The following NTM variants were observed in gnomAD, a reference collection of about 807,000 sequenced individuals.
The protein encoded by NTM is IgLON family member 2.
NTM carries 13 observed loss-of-function variants against 42.1 expected under a neutral mutation model. The ratio of observed to expected loss-of-function variants is 0.31; its 90% CI spans 0.20 to 0.49. NTM has a LOEUF of 0.49. NTM is among the 20% of genes least tolerant of loss of function. The probability of loss-of-function intolerance (pLI) is 0.99; values close to 1 mark genes in which losing one functional copy is unlikely to be tolerated. For missense variants in NTM, 373 were observed against 452.8 expected (o/e 0.82, Z 1.60); for synonymous variants, 187 against 179.2 (o/e 1.04, Z -0.35).
chr11:131,947,505 T>G (rs368202628), intron 2 of NTM, among the ~76,000 whole-genome samples: 3 of 151,870 alleles, frequency 2.0e-5, no homozygotes, highest in African/African-American at 7.3e-5. Context: ...ATAGAAACAC[T>G]CAGAAAGTGG....
intron 6 of NTM, among the ~76,000 whole-genome samples, chr11:132,313,607 G>A (rs2095341427): frequency 6.6e-6 from 1 of 152,180 alleles, no homozygotes; most frequent in African/African-American, 2.4e-5. Context: ...TCGGAATCTT[G>A]CAAAGGAAAG....
chr11:131,954,787 G>A (rs1357810032), intron 2 of NTM, among the ~76,000 whole-genome samples: 1 of 152,054 alleles, frequency 6.6e-6, no homozygotes. Flanking sequence ...ATTTTCTACA[G>A]TTATGTAGTT....
chr11:131,500,541 T>TTATATA (rs200145436), intron 1 of NTM, among the ~76,000 whole-genome samples: 45 of 65,144 alleles, frequency 6.9e-4, no homozygotes, highest in Non-Finnish European at 9.8e-4. Flanking sequence ...TAGTTATTTA[T>TTATATA]TATATATATA....
At chr11:132,081,199 G>A (rs2058991843) in intron 2 of NTM, among the ~76,000 whole-genome samples, 1 of 152,168 alleles carries the variant, frequency 6.6e-6, no homozygotes, top group South Asian at 2.1e-4. Context: ...TGCAGGAAAT[G>A]GTGAGACTTG....
At chr11:132,121,426 C>T (rs1447544082) in intron 2 of NTM, among the ~76,000 whole-genome samples, 1 of 151,952 alleles carries the variant, frequency 6.6e-6, no homozygotes, top group African/African-American at 2.4e-5. Flanking sequence ...CTGGGGTCAA[C>T]AGAGGCGTGA....
intron 1 of NTM, among the ~76,000 whole-genome samples, chr11:131,662,785 C>T (rs2068312714): frequency 6.6e-6 from 1 of 152,134 alleles, no homozygotes; most frequent in African/African-American, 2.4e-5. Flanking sequence ...TCCTGGCTCC[C>T]TGTGGACCTC....
At chr11:131,660,969 G>A (rs1293756375) in intron 1 of NTM, 2 of 1,304,106 alleles carry the variant, frequency 1.5e-6, no homozygotes, top group Non-Finnish European at 2.0e-6. Flanking sequence ...AGGCAAAGTT[G>A]GATGTTTTTA....
intron 1 of NTM, among the ~76,000 whole-genome samples, chr11:131,633,688 T>C (rs866179332): frequency 3.4e-5 from 4 of 116,194 alleles, no homozygotes; most frequent in Admixed American, 8.7e-5. Flanking sequence ...CCTCTCTCTC[T>C]CTCTCCCTCC....
At chr11:131,971,404 C>T (rs1488098815) in intron 2 of NTM, among the ~76,000 whole-genome samples, 1 of 152,072 alleles carries the variant, frequency 6.6e-6, no homozygotes, top group Non-Finnish European at 1.5e-5. Context: ...GATTGAACCA[C>T]CTATCTTTTT....
chr11:131,937,899 G>A (rs1349185596), intron 2 of NTM, among the ~76,000 whole-genome samples: 1 of 152,178 alleles, frequency 6.6e-6, no homozygotes, highest in Admixed American at 6.5e-5. Context: ...GTTGCACGTA[G>A]CAAGTCCTCT....
chr11:131,657,976 G>A (rs1369816378), intron 1 of NTM, among the ~76,000 whole-genome samples: 2 of 152,192 alleles, frequency 1.3e-5, no homozygotes, highest in Non-Finnish European at 2.9e-5. Flanking sequence ...AGTGAGCTCT[G>A]AAGAGACCTG....
rs527660251 is a variant in NTM at position 131,823,475 on chromosome 11, T to C, written c.83-88089T>C. On this transcript the variant is annotated intron_variant, in intron 1 of 8. Transcript: ENST00000683400. ...CTCAGACCCTGGTTGAATTAAGGAA[T>C]TTGCTATGAACCCTCTAGCTGACCT... 3.5e-3 allele frequency among the ~76,000 whole-genome samples: 533 copies of C among 152,246 alleles called. 1 individual carries two copies. Among genetic ancestry groups the C allele is most frequent in the Non-Finnish European group, 5.9e-3 (404 of 68,010 alleles).
At position 132,003,261 on chromosome 11, in the gene NTM, T is replaced by C. The variant is rs563911278; in HGVS notation, c.167+91613T>C. Reference sequence around the variant, plus strand: ...ACACCCTTAGAGTTTTTTTTTCTTTTTTTTTTTTGACAGGTTATTTGTTGC... The same window carrying C: ...ACACCCTTAGAGTTTTTTTTTCTTTCTTTTTTTTGACAGGTTATTTGTTGC... On this transcript the variant is annotated intron_variant, in intron 2 of 8. Transcript: ENST00000683400. This position sits in a 1 kb window ranked among gnomAD's most constrained non-coding sequence, Gnocchi z 6.0. Among the ~76,000 whole-genome samples the C allele has an allele frequency of 3.3e-3, 500 of 152,110 alleles. 5 individuals carry two copies. Among genetic ancestry groups the C allele is most frequent in the African/African-American group, 0.011 (476 of 41,462 alleles).
At chr11:131,481,929 G>A (rs1443174828) in intron 1 of NTM, among the ~76,000 whole-genome samples, 2 of 152,196 alleles carry the variant, frequency 1.3e-5, no homozygotes, top group South Asian at 2.1e-4. Flanking sequence ...TAATGAAAAT[G>A]CTCATATATG....
chr11:131,689,310 T>G (rs1366501972), intron 1 of NTM, among the ~76,000 whole-genome samples: 1 of 152,178 alleles, frequency 6.6e-6, no homozygotes, highest in Non-Finnish European at 1.5e-5. Flanking sequence ...CCACCCAGTA[T>G]TGCCCAGCCC....
At chr11:132,256,249 G>A (rs1435864728) in intron 4 of NTM, among the ~76,000 whole-genome samples, 1 of 152,126 alleles carries the variant, frequency 6.6e-6, no homozygotes, top group East Asian at 1.9e-4. Flanking sequence ...GTCCTCCCAC[G>A]TGCAGCCCTT....
At chr11:131,973,912 G>C (rs2063930917) in intron 2 of NTM, among the ~76,000 whole-genome samples, 1 of 152,150 alleles carries the variant, frequency 6.6e-6, no homozygotes, top group Non-Finnish European at 1.5e-5. Context: ...CTCATATGCA[G>C]ATTTTCTTCT....
chr11:131,956,766 C>T (rs1014041439), intron 2 of NTM, among the ~76,000 whole-genome samples: 1 of 152,088 alleles, frequency 6.6e-6, no homozygotes, highest in East Asian at 1.9e-4. Flanking sequence ...AGTCAATGGC[C>T]TTCCTCTTCA....
intron 3 of NTM, among the ~76,000 whole-genome samples, chr11:132,184,558 C>T (rs771638221): frequency 2.6e-5 from 4 of 152,158 alleles, no homozygotes; most frequent in Non-Finnish European, 4.4e-5. Flanking sequence ...ACACTCCAGT[C>T]GTCCGGTCCT....
Sources: allele counts gnomAD v4.1 joint callset (sites outside exome capture counted in the v4.1 genomes callset), GRCh38; gene constraint gnomAD v4.1.1; non-coding constraint Gnocchi (gnomAD v3.1); transcripts MANE v1.5; gene names NCBI Gene and HGNC (gene_info 2026-07-23, HGNC 2026-07-21).